The following FOXN3 variants were observed in gnomAD, a reference collection of about 807,000 sequenced individuals.
FOXN3 encodes forkhead box protein N3.
In FOXN3, 7 loss-of-function variants were observed where a neutral mutation model predicts 38.4. The ratio of observed to expected loss-of-function variants is 0.18; its 90% CI spans 0.10 to 0.34. The LOEUF (loss-of-function observed/expected upper bound fraction) is 0.34. Among genes scored for constraint, FOXN3 ranks in the 10% least tolerant of loss-of-function variants. The pLI, the probability that FOXN3 is intolerant of heterozygous loss-of-function variation, is 1.00. For synonymous variants in FOXN3, 230 were observed against 242.2 expected, an observed-to-expected ratio of 0.95 and a Z score of 0.47; for missense variants, 456 against 613.4, an observed-to-expected ratio of 0.74 and a Z score of 2.71.
At chr14:89,502,733 G>A (rs1268658400) in intron 1 of FOXN3, among the ~76,000 whole-genome samples, 3 of 152,292 alleles carry the variant, frequency 2.0e-5, no homozygotes, top group Non-Finnish European at 4.4e-5. Flanking sequence ...GGGGAAAGAA[G>A]GAGTAGGTGT....
intron 3 of FOXN3, among the ~76,000 whole-genome samples, chr14:89,345,963 G>A (rs1310486260): frequency 6.6e-6 from 1 of 152,208 alleles, no homozygotes; most frequent in Non-Finnish European, 1.5e-5. Context: ...TGAAGCAGGA[G>A]AATCACTTGA....
At chr14:89,575,001 C>T (rs1895574765) in intron 1 of FOXN3, among the ~76,000 whole-genome samples, 1 of 152,132 alleles carries the variant, frequency 6.6e-6, no homozygotes, top group Admixed American at 6.5e-5. Flanking sequence ...CAAACAAGGC[C>T]AGCGGGAAGC....
At position 89,290,828 on chromosome 14, in the gene FOXN3, C is replaced by A. The variant is rs1332369110; in HGVS notation, c.681-9814G>T. The A allele has an allele frequency of 1.5e-5, 4 of 269,348 alleles. No homozygotes were observed. In the East Asian group the frequency reaches 4.2e-4, roughly 28 times the overall value. The allele number at this position is 269,348 out of a possible 1,614,324, so 16.7% of individuals were successfully genotyped here. On this transcript the variant is annotated intron_variant, in intron 3 of 5. Coordinates refer to ENST00000557258, the MANE Select transcript of FOXN3 (RefSeq NM_005197.4). Reference sequence around the variant, plus strand: ...AGGGTTAGGCTTCTCCCTGGTTAAACCGGGCAAATAAAGCTGAGCATGAAG... The same window carrying A: ...AGGGTTAGGCTTCTCCCTGGTTAAAACGGGCAAATAAAGCTGAGCATGAAG...
chr14:89,487,686 C>CA (rs1425257601), intron 1 of FOXN3, among the ~76,000 whole-genome samples: 1 of 152,108 alleles, frequency 6.6e-6, no homozygotes, highest in Non-Finnish European at 1.5e-5. Context: ...GATGAAGAGT[C>CA]AGAGATGATA....
chr14:89,589,593 C>A (rs941881710), intron 1 of FOXN3, among the ~76,000 whole-genome samples: 4 of 152,034 alleles, frequency 2.6e-5, no homozygotes, highest in Non-Finnish European at 5.9e-5. Context: ...CGAACAGTTG[C>A]GGCCGCACCA....
chr14:89,537,029 CAG>C (rs1008026439), intron 1 of FOXN3, among the ~76,000 whole-genome samples: 31 of 152,280 alleles, frequency 2.0e-4, no homozygotes, highest in African/African-American at 6.3e-4. Context: ...TCCAGAGCAC[CAG>C]AAGGAATGCT....
intron 4 of FOXN3, among the ~76,000 whole-genome samples, chr14:89,187,330 G>A (rs534269844): frequency 2.6e-5 from 4 of 152,324 alleles, no homozygotes; most frequent in Non-Finnish European, 5.9e-5. Flanking sequence ...CAGGCTCTGC[G>A]CAGACAGGAA....
At chr14:89,566,439 A>AT (rs34819530) in intron 1 of FOXN3, among the ~76,000 whole-genome samples, 11,943 of 151,544 alleles carry the variant, frequency 0.079, 1,010 homozygotes, top group African/African-American at 0.2. Context: ...GGAAGAAATA[A>AT]TTTTTTTAAA....
chr14:89,595,228 G>C (rs961547235), intron 1 of FOXN3, among the ~76,000 whole-genome samples: 24 of 152,078 alleles, frequency 1.6e-4, no homozygotes, highest in African/African-American at 5.3e-4. Flanking sequence ...AGGAGGCTGA[G>C]GCAGGAGAAT....
intron 4 of FOXN3, among the ~76,000 whole-genome samples, chr14:89,260,025 A>G (rs929873583): frequency 6.6e-6 from 1 of 152,210 alleles, no homozygotes; most frequent in Admixed American, 6.5e-5. Context: ...GGGATTCTCT[A>G]CAAGTAACAG....
chr14:89,284,588 A>G, intron 3 of FOXN3: 1 of 456,064 alleles, frequency 2.2e-6, no homozygotes, highest in Non-Finnish European at 4.4e-6. Context: ...CCAGGCTAGA[A>G]AAAGCAATCA....
At chr14:89,307,566 G>A (rs889822587) in intron 3 of FOXN3, among the ~76,000 whole-genome samples, 7 of 152,182 alleles carry the variant, frequency 4.6e-5, no homozygotes, top group Admixed American at 1.3e-4. Context: ...CGTGAAAGTC[G>A]GAAACACCAA....
At chr14:89,460,642 TATCAATCA>T (rs34440394) in intron 1 of FOXN3, among the ~76,000 whole-genome samples, 7,115 of 151,858 alleles carry the variant, frequency 0.047, 258 homozygotes, top group Middle Eastern at 0.061. Flanking sequence ...TAAGTAGAGT[TATCAATCA>T]ATCAATCAAT....
chr14:89,554,699 AAAAG>A (rs904001069), intron 1 of FOXN3, among the ~76,000 whole-genome samples: 3 of 152,160 alleles, frequency 2.0e-5, no homozygotes, highest in African/African-American at 7.2e-5. Context: ...AAGCAAAAAC[AAAAG>A]AAAGAGAAAA....
intron 1 of FOXN3, among the ~76,000 whole-genome samples, chr14:89,538,576 T>C (rs1439223500): frequency 6.6e-6 from 1 of 152,222 alleles, no homozygotes; most frequent in Non-Finnish European, 1.5e-5. Context: ...TGGAATGCAA[T>C]GGCACGATCT....
At chr14:89,183,853 G>T (rs973517957) in intron 4 of FOXN3, 2 of 152,148 alleles carry the variant, frequency 1.3e-5, no homozygotes, top group Non-Finnish European at 2.9e-5. Context: ...ACCAACCTAG[G>T]TCTACATCTC....
rs562521584 is a variant in FOXN3, at chr14:89,528,553, T to A, written c.-15+90475A>T. 3.3e-5 allele frequency among the ~76,000 whole-genome samples: 5 copies of A among 152,022 alleles called. No individual in the cohort carries two copies. In the South Asian group the frequency reaches 1.0e-3, roughly 32 times the overall value. The stretch of plus-strand genomic sequence containing the variant: ...CTGGGACTACAGGCATGTGCCACCA[T>A]GCCTGGCTAATTTTGTATTTTTAGT... On this transcript the variant is annotated intron_variant, in intron 1 of 6. Transcript: ENST00000345097.
chr14:89,452,055 A>G (rs528375641), intron 1 of FOXN3, among the ~76,000 whole-genome samples: 50 of 152,208 alleles, frequency 3.3e-4, no homozygotes, highest in African/African-American at 1.1e-3. Flanking sequence ...CTTACCCTCT[A>G]TTCCCTAGGG....
intron 1 of FOXN3, among the ~76,000 whole-genome samples, chr14:89,584,332 C>T (rs1299379691): frequency 1.3e-5 from 2 of 152,160 alleles, no homozygotes; most frequent in Non-Finnish European, 1.5e-5. Context: ...GCCTGGGAGG[C>T]GGAGGTTGCA....
Sources: gnomAD v4.1 joint callset for allele counts (sites outside exome capture counted in the v4.1 genomes callset) on GRCh38, gnomAD v4.1.1 for gene constraint, MANE v1.5 for transcripts, NCBI Gene and HGNC (gene_info 2026-07-23, HGNC 2026-07-21) for gene names.